Variants in ABCC4 observed in about 807,000 individuals in gnomAD.
ABCC4 encodes the protein ATP-binding cassette sub-family C member 4.
A neutral mutation model predicts 168.5 loss-of-function variants in ABCC4; 102 were observed. That is an observed-to-expected ratio of 0.61 (90% CI 0.52 to 0.71). The LOEUF is 0.71. Ranked by LOEUF, ABCC4 falls within the 30% of genes least tolerant of loss-of-function variation. The probability of loss-of-function intolerance (pLI) is 0.00; values close to 1 mark genes in which losing one functional copy is unlikely to be tolerated. For synonymous variants in ABCC4, 617 were observed against 590.7 expected, an observed-to-expected ratio of 1.04 and a Z score of -0.65; for missense variants, 1,402 against 1,605.8, an observed-to-expected ratio of 0.87 and a Z score of 2.17.
chr13:95,239,615 T>C (rs543773970), intron 3 of ABCC4, among the ~76,000 whole-genome samples: 1 of 152,162 alleles, frequency 6.6e-6, no homozygotes, highest in South Asian at 2.1e-4. Flanking sequence ...ACAGGGATGA[T>C]AACTGTAATG....
chr13:95,038,142 C>T (rs1030010728), intron 29 of ABCC4, among the ~76,000 whole-genome samples: 5 of 152,020 alleles, frequency 3.3e-5, no homozygotes, highest in African/African-American at 1.2e-4. Context: ...AGGCATGAGC[C>T]CCCACATATG....
chr13:95,278,713 C>T (rs1252159929), intron 1 of ABCC4, among the ~76,000 whole-genome samples: 2 of 150,358 alleles, frequency 1.3e-5, no homozygotes, highest in Non-Finnish European at 3.0e-5. Context: ...GGGAGGATCA[C>T]CTGAGCCCGA....
In ABCC4 at chr13:95,122,703, C is replaced by T. The variant is rs190937894; in HGVS notation, c.2456-6702G>A. On this transcript the variant is annotated intron_variant, in intron 19 of 30. Coordinates refer to ENST00000645237, the MANE Select transcript of ABCC4 (RefSeq NM_005845.5). Reference sequence around the variant, plus strand: ...CTCCACCTACCAGGATCTCAGCCTTCGCCCTTTCTCCTCCATGAAACTCTT... The same window carrying T: ...CTCCACCTACCAGGATCTCAGCCTTTGCCCTTTCTCCTCCATGAAACTCTT... Among the ~76,000 whole-genome samples, 192 of 152,282 alleles carry T rather than the reference C, an allele frequency of 1.3e-3. 1 individual carries two copies. Among genetic ancestry groups the T allele is most frequent in the Non-Finnish European group, 3.1e-4 (21 of 68,022 alleles).
chr13:95,043,359 T>C (rs933593531), intron 29 of ABCC4: 3 of 234,328 alleles, frequency 1.3e-5, no homozygotes, highest in Non-Finnish European at 2.5e-5. Flanking sequence ...ACTGTGACAG[T>C]GACAATGACT....
At chr13:95,031,448 C>T (rs931490084) in intron 30 of ABCC4, among the ~76,000 whole-genome samples, 4 of 152,208 alleles carry the variant, frequency 2.6e-5, no homozygotes, top group East Asian at 3.8e-4. Context: ...CTGTTCTCCA[C>T]GGACCAGCTC....
chr13:95,058,212 G>A (rs2033135351), intron 26 of ABCC4, among the ~76,000 whole-genome samples: 1 of 152,124 alleles, frequency 6.6e-6, no homozygotes, highest in African/African-American at 2.4e-5. Flanking sequence ...CTGTCCAAAT[G>A]ACAGATAAAG....
intron 4 of ABCC4, among the ~76,000 whole-genome samples, chr13:95,227,900 G>T (rs928003800): frequency 6.6e-6 from 1 of 151,998 alleles, no homozygotes; most frequent in Admixed American, 6.6e-5. Flanking sequence ...AGTAGAGATG[G>T]GGTTTCACCA....
intron 30 of ABCC4, among the ~76,000 whole-genome samples, chr13:95,030,780 G>A (rs1373700646): frequency 2.6e-5 from 4 of 152,204 alleles, no homozygotes; most frequent in Non-Finnish European, 4.4e-5. Flanking sequence ...TCTGCTGTGG[G>A]TTAAGCCAGC....
chr13:95,167,283 GCA>G (rs1480091244), intron 14 of ABCC4, among the ~76,000 whole-genome samples: 32 of 152,230 alleles, frequency 2.1e-4, no homozygotes, highest in Non-Finnish European at 3.7e-4. Context: ...ACACAACCTT[GCA>G]CAGTTTTCTC....
At chr13:95,245,619 T>TGCCACAAA (rs1018179807) in intron 3 of ABCC4, among the ~76,000 whole-genome samples, 1 of 152,192 alleles carries the variant, frequency 6.6e-6, no homozygotes, top group African/African-American at 2.4e-5. Context: ...CCACCCCATC[T>TGCCACAAA]GCCACAAAGC....
chr13:95,283,215 CAAA>C (rs1262067135), intron 1 of ABCC4, among the ~76,000 whole-genome samples: 4 of 100,998 alleles, frequency 4.0e-5, no homozygotes, highest in Non-Finnish European at 4.3e-5. Context: ...GACTCCAACT[CAAA>C]AAAAAAAAAA....
At chr13:95,120,567 C>CAAAAAAA (rs35906536) in intron 19 of ABCC4, among the ~76,000 whole-genome samples, 2 of 90,844 alleles carry the variant, frequency 2.2e-5, no homozygotes, top group Non-Finnish European at 4.2e-5. Context: ...GAGACTCCGT[C>CAAAAAAA]AAAAAAAAAA....
chr13:95,261,495 G>C (rs1461289560), intron 1 of ABCC4, among the ~76,000 whole-genome samples: 1 of 152,036 alleles, frequency 6.6e-6, no homozygotes, highest in Non-Finnish European at 1.5e-5. Flanking sequence ...AACATAAAAA[G>C]CTGTATCTAT....
chr13:95,205,398 G>A (rs867925806), intron 8 of ABCC4, among the ~76,000 whole-genome samples: 4 of 152,258 alleles, frequency 2.6e-5, no homozygotes, highest in Middle Eastern at 6.8e-3. Flanking sequence ...AAGTTCACTC[G>A]AGTCTGTCCT....
intron 3 of ABCC4, among the ~76,000 whole-genome samples, chr13:95,238,436 G>A (rs575386335): frequency 6.6e-6 from 1 of 152,042 alleles, no homozygotes; most frequent in Non-Finnish European, 1.5e-5. Context: ...AATTGATCAG[G>A]GTAGGGCCTG....
chr13:95,075,871 A>G (rs764286614), intron 21 of ABCC4, among the ~76,000 whole-genome samples: 1 of 152,102 alleles, frequency 6.6e-6, no homozygotes, highest in Non-Finnish European at 1.5e-5. Context: ...CTTCCCTGAC[A>G]TCTCTTTGGG....
chr13:95,169,028 T>G (rs141263514), intron 14 of ABCC4, among the ~76,000 whole-genome samples: 79 of 152,190 alleles, frequency 5.2e-4, no homozygotes, highest in Admixed American at 1.8e-3. Context: ...GACAATGCCA[T>G]GTGACAACAG....
intron 27 of ABCC4, among the ~76,000 whole-genome samples, chr13:95,049,901 C>T (rs538655662): frequency 6.6e-6 from 1 of 152,266 alleles, no homozygotes; most frequent in African/African-American, 2.4e-5. Context: ...CTCAAGCCAA[C>T]CCTCTGAGTT....
intron 8 of ABCC4, among the ~76,000 whole-genome samples, chr13:95,206,208 A>G (rs2139673115): frequency 6.6e-6 from 1 of 152,308 alleles, no homozygotes; most frequent in South Asian, 2.1e-4. Context: ...CATTGGTGTT[A>G]ACATAAGAGA....
Sources: allele counts gnomAD v4.1 joint callset (sites outside exome capture counted in the v4.1 genomes callset), GRCh38; gene constraint gnomAD v4.1.1; transcripts MANE v1.5; gene names NCBI Gene and HGNC (gene_info 2026-07-23, HGNC 2026-07-21).